Variants in GRM8 observed in about 807,000 individuals in gnomAD.
The protein encoded by GRM8 is glutamate metabotropic receptor 8.
A neutral mutation model predicts 87.2 loss-of-function variants in GRM8; 47 were observed. That is an observed-to-expected ratio of 0.54 (90% CI 0.43 to 0.69). The LOEUF is 0.69. GRM8 is among the 30% of genes least tolerant of loss of function. The pLI, the probability that GRM8 is intolerant of heterozygous loss-of-function variation, is 0.00. For missense variants in GRM8, 1,019 were observed against 1,139.2 expected, an observed-to-expected ratio of 0.89 and a Z score of 1.52; for synonymous variants, 396 against 404.5, an observed-to-expected ratio of 0.98 and a Z score of 0.25.
intron 9 of GRM8, among the ~76,000 whole-genome samples, chr7:126,515,128 T>C (rs1811988003): frequency 6.6e-6 from 1 of 152,092 alleles, no homozygotes. Context: ...TGTTCTTTTG[T>C]TTTTGCAATG....
intron 7 of GRM8, among the ~76,000 whole-genome samples, chr7:126,694,624 A>T (rs949596257): frequency 2.0e-5 from 3 of 152,222 alleles, no homozygotes; most frequent in East Asian, 3.8e-4. Context: ...AATTGTTAGC[A>T]TGCCTTAAAG....
intron 3 of GRM8, among the ~76,000 whole-genome samples, chr7:127,106,001 A>C (rs1331434132): frequency 1.3e-5 from 2 of 152,190 alleles, no homozygotes; most frequent in Non-Finnish European, 2.9e-5. Context: ...TTAAGAATAA[A>C]AACGCAAAAA....
intron 1 of GRM8, among the ~76,000 whole-genome samples, chr7:127,245,033 A>T (rs1322249210): frequency 6.6e-6 from 1 of 152,204 alleles, no homozygotes; most frequent in Non-Finnish European, 1.5e-5. Context: ...TTAGTCCCTC[A>T]CACTGGATTC....
At chr7:126,511,257 C>T (rs1811329872) in intron 9 of GRM8, 1 of 152,026 alleles carries the variant, frequency 6.6e-6, no homozygotes, top group African/African-American at 2.4e-5. Flanking sequence ...TATGATCACC[C>T]ACCACTTCTG....
intron 8 of GRM8, among the ~76,000 whole-genome samples, chr7:126,558,263 T>A (rs1193319134): frequency 6.6e-6 from 1 of 152,202 alleles, no homozygotes; most frequent in African/African-American, 2.4e-5. Flanking sequence ...AGTTCAGAGT[T>A]CTTTTTATGT....
intron 9 of GRM8, among the ~76,000 whole-genome samples, chr7:126,464,931 A>T (rs1804318200): frequency 6.6e-6 from 1 of 151,814 alleles, no homozygotes; most frequent in South Asian, 2.1e-4. Flanking sequence ...TAGTTTACAC[A>T]TGACAATTAC....
chr7:127,198,970 T>C (rs1795445022), intron 2 of GRM8, among the ~76,000 whole-genome samples: 1 of 151,924 alleles, frequency 6.6e-6, no homozygotes, highest in Admixed American at 6.6e-5. Context: ...CCTTCCTGAG[T>C]AGCTGGGATT....
chr7:126,941,568 G>A (rs4731339), intron 3 of GRM8, among the ~76,000 whole-genome samples: 47,969 of 150,810 alleles, frequency 0.32, 7,683 homozygotes, highest in Non-Finnish European at 0.35. Context: ...TGCAGTGAGC[G>A]GAGATCGCAC....
chr7:127,134,615 A>G (rs1827855422), intron 2 of GRM8, among the ~76,000 whole-genome samples: 1 of 152,212 alleles, frequency 6.6e-6, no homozygotes, highest in African/African-American at 2.4e-5. Flanking sequence ...TTAAAGAGAA[A>G]AAATTAAAAT....
intron 8 of GRM8, among the ~76,000 whole-genome samples, chr7:126,543,291 G>A (rs10281032): frequency 0.022 from 3,344 of 152,124 alleles, 111 homozygotes; most frequent in African/African-American, 0.075. Context: ...CATATTTCTC[G>A]TTCTTAGAGA....
intron 2 of GRM8, among the ~76,000 whole-genome samples, chr7:127,190,606 A>C (rs1457046789): frequency 6.6e-6 from 1 of 152,154 alleles, no homozygotes; most frequent in Non-Finnish European, 1.5e-5. Flanking sequence ...TGGCAAAGGA[A>C]GTGGTACAGG....
chr7:126,671,416 G>A (rs1018490359), intron 7 of GRM8, among the ~76,000 whole-genome samples: 17 of 152,152 alleles, frequency 1.1e-4, no homozygotes, highest in Admixed American at 2.0e-4. Context: ...CCAAGTATAA[G>A]ACTAAAGTCT....
chr7:126,696,114 C>T (rs1234702827), intron 7 of GRM8, among the ~76,000 whole-genome samples: 3 of 152,092 alleles, frequency 2.0e-5, no homozygotes, highest in Non-Finnish European at 2.9e-5. Flanking sequence ...ATACAAATAG[C>T]TTGAGTTACC....
At chr7:127,152,321 T>TGCAGGTAAAGC (rs1281526109) in intron 2 of GRM8, among the ~76,000 whole-genome samples, 1 of 151,986 alleles carries the variant, frequency 6.6e-6, no homozygotes, top group Non-Finnish European at 1.5e-5. Context: ...CTTGGCACAA[T>TGCAGGTAAAGC]ACAGAAATCC....
intron 2 of GRM8, among the ~76,000 whole-genome samples, chr7:127,145,002 G>C (rs182578675): frequency 2.0e-5 from 3 of 151,910 alleles, no homozygotes; most frequent in African/African-American, 7.3e-5. Context: ...GCATTAAGTC[G>C]ACAAACATTT....
intron 9 of GRM8, among the ~76,000 whole-genome samples, chr7:126,496,598 T>C (rs186612320): frequency 1.3e-5 from 2 of 152,120 alleles, no homozygotes; most frequent in African/African-American, 2.4e-5. Flanking sequence ...ACCATGTTTT[T>C]TGCCATCGTT....
chr7:127,163,947 G>C (rs536766213), intron 2 of GRM8, among the ~76,000 whole-genome samples: 1 of 152,126 alleles, frequency 6.6e-6, no homozygotes, highest in Non-Finnish European at 1.5e-5. Flanking sequence ...GAATGATATA[G>C]TTTGGATAAT....
At chr7:126,636,824 T>G (rs571238772) in intron 7 of GRM8, among the ~76,000 whole-genome samples, 1 of 152,102 alleles carries the variant, frequency 6.6e-6, no homozygotes, top group Non-Finnish European at 1.5e-5. Context: ...TTTAATAAAC[T>G]GGATGCCTTG....
intron 6 of GRM8, among the ~76,000 whole-genome samples, chr7:126,882,987 G>A (rs1800157521): frequency 6.6e-6 from 1 of 152,148 alleles, no homozygotes; most frequent in Non-Finnish European, 1.5e-5. Context: ...ACTAAAGGCT[G>A]GCCTCAGGTA....
Sources: allele counts gnomAD v4.1 joint callset (sites outside exome capture counted in the v4.1 genomes callset), GRCh38; gene constraint gnomAD v4.1.1; transcripts MANE v1.5; gene names NCBI Gene and HGNC (gene_info 2026-07-23, HGNC 2026-07-21).